Variants in DYM observed in about 807,000 individuals in gnomAD.
The protein encoded by DYM is dyggve-Melchior-Clausen syndrome protein.
Under a neutral mutation model 93.1 loss-of-function variants are expected in DYM, and 78 were observed. The ratio of observed to expected loss-of-function variants is 0.84; its 90% CI spans 0.70 to 1.01. The LOEUF is 1.01. Among genes scored for constraint, DYM ranks in the 50% least tolerant of loss-of-function variants. The pLI, the probability that DYM is intolerant of heterozygous loss-of-function variation, is 0.00. For missense variants in DYM, 789 were observed against 845.0 expected (o/e 0.93, Z 0.82); for synonymous variants, 321 against 319.7 (o/e 1.00, Z -0.04).
chr18:49,403,815 C>A (rs938685206), intron 2 of DYM, among the ~76,000 whole-genome samples: 2 of 151,842 alleles, frequency 1.3e-5, no homozygotes, highest in African/African-American at 4.8e-5. Flanking sequence ...TTAGTTTCCA[C>A]CTGTATGTAA....
At chr18:49,377,563 A>C (rs1224713248) in intron 5 of DYM, among the ~76,000 whole-genome samples, 1 of 150,982 alleles carries the variant, frequency 6.6e-6, no homozygotes, top group Non-Finnish European at 1.5e-5. Flanking sequence ...CCATCTCAAA[A>C]AAAATAAAAA....
intron 1 of DYM, among the ~76,000 whole-genome samples, chr18:49,454,533 C>T (rs540162081): frequency 6.6e-6 from 1 of 152,308 alleles, no homozygotes; most frequent in South Asian, 2.1e-4. Flanking sequence ...TCCCCACACA[C>T]TCTGTAGACG....
intron 2 of DYM, among the ~76,000 whole-genome samples, chr18:49,414,574 C>A (rs1197376220): frequency 6.6e-6 from 1 of 152,162 alleles, no homozygotes; most frequent in Non-Finnish European, 1.5e-5. Flanking sequence ...TTCTGCTACA[C>A]GGGCCTTTTG....
rs1599101108 is a variant in DYM at position 49,281,990 on chromosome 18, T to C, written c.1125+7A>G. On this transcript the variant is annotated splice_region_variant and intron_variant, in intron 10 of 17. Transcript: ENST00000675505. ...CAAACGCATGGAATGTTTAGTATGA[T>C]ACTTACAAGATTTTCCATATCTGTG... 5 of 1,612,668 alleles carry C rather than the reference T, an allele frequency of 3.1e-6. No individual in the cohort carries two copies. The highest frequency in any genetic ancestry group is 4.2e-6 in the Non-Finnish European group (5 of 1,178,998).
intron 11 of DYM, among the ~76,000 whole-genome samples, chr18:49,266,233 C>A (rs2094568889): frequency 3.9e-5 from 6 of 152,178 alleles, no homozygotes; most frequent in Admixed American, 3.9e-4. Context: ...ACAGCTGCAA[C>A]ATGGATTTAA....
At position 49,186,489 on chromosome 18, in the gene DYM, C is replaced by T. The variant is rs928701838; in HGVS notation, c.1626-22702G>A. Among the ~76,000 whole-genome samples, 10 of 152,192 alleles carry T rather than the reference C, an allele frequency of 6.6e-5. No homozygotes were observed. In the East Asian group the frequency reaches 7.7e-4, roughly 12 times the overall value. ...ATATCTTCTTTTATGCCACCCCCTACGCTTGGAACAAACCTATTAATCCAC... is the reference window on the plus strand; with the variant it reads ...ATATCTTCTTTTATGCCACCCCCTATGCTTGGAACAAACCTATTAATCCAC... On this transcript the variant is annotated intron_variant, in intron 14 of 17. Transcript: ENST00000675505.
intron 8 of DYM, among the ~76,000 whole-genome samples, chr18:49,308,439 T>C (rs920647939): frequency 3.9e-5 from 6 of 152,082 alleles, no homozygotes; most frequent in African/African-American, 1.4e-4. Context: ...AAAGAAAAGA[T>C]AGAGACAGAT....
At chr18:49,086,969 CAG>C (rs1163440623) in intron 17 of DYM, among the ~76,000 whole-genome samples, 1 of 151,542 alleles carries the variant, frequency 6.6e-6, no homozygotes, top group Non-Finnish European at 1.5e-5. Context: ...GCCCGGGTAA[CAG>C]AGTGAAGCTC....
intron 14 of DYM, among the ~76,000 whole-genome samples, chr18:49,197,751 A>T (rs2091603255): frequency 2.0e-5 from 3 of 152,242 alleles, no homozygotes; most frequent in Admixed American, 2.0e-4. Context: ...AAATGGGAGA[A>T]TATTCCATGC....
chr18:49,190,364 A>C (rs2090851283), intron 14 of DYM, among the ~76,000 whole-genome samples: 1 of 152,222 alleles, frequency 6.6e-6, no homozygotes, highest in Admixed American at 6.5e-5. Flanking sequence ...TATCTTTAAA[A>C]GTGATTTTGG....
intron 1 of DYM, among the ~76,000 whole-genome samples, chr18:49,434,726 G>T (rs2148505606): frequency 6.6e-6 from 1 of 152,162 alleles, no homozygotes; most frequent in East Asian, 1.9e-4. Flanking sequence ...AGCAACTCGG[G>T]AGGCTGAGGC....
At chr18:49,364,225 A>G (rs974940385) in intron 5 of DYM, among the ~76,000 whole-genome samples, 11 of 152,100 alleles carry the variant, frequency 7.2e-5, no homozygotes, top group African/African-American at 2.7e-4. Context: ...CAGGCAGATC[A>G]CCTGAGGTCA....
At chr18:49,280,876 C>T (rs902136298) in intron 10 of DYM, among the ~76,000 whole-genome samples, 1 of 152,190 alleles carries the variant, frequency 6.6e-6, no homozygotes, top group Non-Finnish European at 1.5e-5. Flanking sequence ...CAATACCATT[C>T]AGGACATAGG....
chr18:49,267,096 T>C (rs1186746966), intron 11 of DYM, among the ~76,000 whole-genome samples: 1 of 152,122 alleles, frequency 6.6e-6, no homozygotes, highest in Non-Finnish European at 1.5e-5. Flanking sequence ...GTTTTAACTT[T>C]TTTAAAAAGT....
At chr18:49,409,487 A>C (rs1022565072) in intron 2 of DYM, among the ~76,000 whole-genome samples, 6 of 152,276 alleles carry the variant, frequency 3.9e-5, no homozygotes, top group African/African-American at 1.4e-4. Flanking sequence ...GCTCTCCACC[A>C]CAACTCAGGG....
intron 17 of DYM, among the ~76,000 whole-genome samples, chr18:49,085,724 C>T (rs1265756805): frequency 6.7e-6 from 1 of 149,700 alleles, no homozygotes; most frequent in Non-Finnish European, 1.5e-5. Context: ...TCTCCTGCCT[C>T]GGCCTCCCAA....
At chr18:49,287,800 G>A (rs1172036042) in intron 8 of DYM, among the ~76,000 whole-genome samples, 1 of 131,500 alleles carries the variant, frequency 7.6e-6, no homozygotes, top group Non-Finnish European at 1.5e-5. Flanking sequence ...AGCTGAGATC[G>A]CGCCACAACA....
rs552430024 is a variant in DYM at position 49,098,153 on chromosome 18, C to A, written c.1912-638G>T. ...TCACTAAAAAATGAAAACAAAACAT[C>A]ATTTTTCAGCAAATTATTTTTAAAA... On this transcript the variant is annotated intron_variant, in intron 16 of 17. Coordinates refer to ENST00000675505, the MANE Select transcript of DYM (RefSeq NM_001353214.3). Among the ~76,000 whole-genome samples, 7 of 152,260 alleles carry A rather than the reference C, an allele frequency of 4.6e-5. No homozygotes were observed. The South Asian group carries it at 1.4e-3, about 32-fold the overall frequency.
intron 8 of DYM, among the ~76,000 whole-genome samples, chr18:49,295,275 A>G (rs2060452066): frequency 6.6e-6 from 1 of 152,200 alleles, no homozygotes. Context: ...CTTGACCTCC[A>G]TACCATGCTC....
Sources: gnomAD v4.1 joint callset for allele counts (sites outside exome capture counted in the v4.1 genomes callset) on GRCh38, gnomAD v4.1.1 for gene constraint, MANE v1.5 for transcripts, NCBI Gene and HGNC (gene_info 2026-07-23, HGNC 2026-07-21) for gene names.